SLC6A9: variants seen among roughly 807,000 people sequenced by gnomAD.
The protein encoded by SLC6A9 is sodium- and chloride-dependent glycine transporter 1.
A neutral mutation model predicts 70.9 loss-of-function variants in SLC6A9; 31 were observed. The observed-to-expected ratio is 0.44, with a 90% CI of 0.33 to 0.59. SLC6A9 has a LOEUF of 0.59. SLC6A9 is among the 20% of genes least tolerant of loss of function. The probability of loss-of-function intolerance (pLI) is 0.04; values close to 1 mark genes in which losing one functional copy is unlikely to be tolerated. For missense variants in SLC6A9, 631 were observed against 845.2 expected, an observed-to-expected ratio of 0.75 and a Z score of 3.14; for synonymous variants, 310 against 341.3, an observed-to-expected ratio of 0.91 and a Z score of 1.01.
intron 3 of SLC6A9, chr1:44,010,466 G>GGGGA (rs1571881880): frequency 8.5e-6 from 2 of 236,122 alleles, no homozygotes; most frequent in African/African-American, 2.4e-5. Flanking sequence ...CGGGGGGGGG[G>GGGGA]GGGGGTTAGG....
At position 44,000,942 on chromosome 1, in the gene SLC6A9, G is replaced by T. The variant is rs763344251; in HGVS notation, c.1435+14C>A. 5 of 1,602,540 alleles carry T rather than the reference G, an allele frequency of 3.1e-6. No homozygotes were observed. The highest frequency in any genetic ancestry group is 4.3e-6 in the Non-Finnish European group (5 of 1,173,076). ...AGGGCCGGGTCGCGGGAGGCCGGAG[G>T]CTCGAGTGCTCACCGTAGATGTACA... On this transcript the variant is annotated intron_variant, in intron 11 of 13. Transcript: ENST00000372310.
At chr1:44,007,913 T>C (rs912840308) in intron 5 of SLC6A9, among the ~76,000 whole-genome samples, 8 of 145,422 alleles carry the variant, frequency 5.5e-5, no homozygotes, top group South Asian at 2.1e-4. Flanking sequence ...TTTTTTGAGA[T>C]GGAGTCTTGC....
chr1:44,023,221 T>A (rs2086919734), intron 2 of SLC6A9, among the ~76,000 whole-genome samples: 1 of 152,198 alleles, frequency 6.6e-6, no homozygotes, highest in Non-Finnish European at 1.5e-5. Context: ...CAGTCTAGCC[T>A]GTCCCCAGGG....
rs1404652390 is a variant in SLC6A9, at chr1:44,002,817, G to T, written c.723+36C>A. 1 of 1,612,470 alleles carries T rather than the reference G, an allele frequency of 6.2e-7. No individual in the cohort carries two copies. The highest frequency in any genetic ancestry group is 8.5e-7 in the Non-Finnish European group (1 of 1,178,954). ...CCCAGGTAGGGGGCAGGGTCTTTCT[G>T]GGTGGGCACAGACCCTGCTGGGGAG... On this transcript the variant is annotated intron_variant, in intron 6 of 13. Coordinates refer to ENST00000372310, the MANE Select transcript of SLC6A9 (RefSeq NM_001024845.3). This position sits in a 1 kb window ranked among gnomAD's most constrained non-coding sequence, Gnocchi z 5.5.
intron 2 of SLC6A9, among the ~76,000 whole-genome samples, chr1:44,021,113 CCT>C (rs1464219329): frequency 6.6e-6 from 1 of 152,172 alleles, no homozygotes; most frequent in Admixed American, 6.5e-5. Flanking sequence ...GGCTCTCTTG[CCT>C]CCTGTCCTGG....
chr1:44,001,490 G>C lies in SLC6A9; in HGVS notation c.1100C>G (p.Ala367Gly). The C allele has an allele frequency of 6.2e-7, 1 of 1,614,194 alleles. No homozygotes were observed. Among genetic ancestry groups the C allele is most frequent in the Admixed American group, 1.7e-5 (1 of 60,022 alleles). The change falls in exon 9 of 14, where the codon GCC (alanine) becomes GGC (glycine). Residue 367 changes from alanine (A) to glycine (G), a missense_variant. Physicochemically the swap from Ala to Gly is moderately conservative, Grantham distance 60. Coordinates refer to ENST00000372310, the MANE Select transcript of SLC6A9 (RefSeq NM_001024845.3). ...GAGGGCCTCGGGGTAAGCCACGAAG[G>C]CCAGGCCAGGGCCGTGGTCTGCCAC... is the stretch of plus-strand genomic sequence containing the variant. ...SRVADHGPGL[A>G]FVAYPEALTL...
intron 2 of SLC6A9, among the ~76,000 whole-genome samples, chr1:44,017,753 A>G (rs2086798755): frequency 6.6e-6 from 1 of 152,238 alleles, no homozygotes; most frequent in Admixed American, 6.5e-5. Context: ...CTGACCATGC[A>G]AGAAAGCCCT....
chr1:43,997,763 C>T lies in SLC6A9; in HGVS notation c.1708-24G>A. The T allele has an allele frequency of 1.9e-6, 3 of 1,597,670 alleles. No homozygotes were observed. The highest frequency in any genetic ancestry group is 2.6e-6 in the Non-Finnish European group (3 of 1,171,018). ...CGCTGCATGAGGTAGGCATGGGGCA[C>T]AGGGGCAGGGCACGTCAGGAGGGAG... On this transcript the variant is annotated intron_variant, in intron 13 of 13. Coordinates refer to ENST00000372310, the MANE Select transcript of SLC6A9 (RefSeq NM_001024845.3). This position sits in a 1 kb window ranked among gnomAD's most constrained non-coding sequence, Gnocchi z 4.4.
At chr1:44,006,586 CAAAAA>C (rs34759206) in intron 5 of SLC6A9, among the ~76,000 whole-genome samples, 14 of 67,608 alleles carry the variant, frequency 2.1e-4, no homozygotes, top group Middle Eastern at 0.011. Context: ...GATTCTGTCT[CAAAAA>C]AAAAAAAAAA....
intron 2 of SLC6A9, among the ~76,000 whole-genome samples, chr1:44,022,696 A>ATT (rs2086905186): frequency 1.0e-5 from 1 of 99,614 alleles, no homozygotes; most frequent in African/African-American, 6.3e-5. Context: ...CTGTTTTTTA[A>ATT]TTTTTCTTTC....
chr1:43,998,149 CAG>C, intron 12 of SLC6A9, 124 bp from the exon 13 acceptor site: 3 of 910,712 alleles, frequency 3.3e-6, no homozygotes, highest in Non-Finnish European at 3.3e-6. Context: ...TGGGGCAGAA[CAG>C]GGACAGCTGT....
intron 2 of SLC6A9, among the ~76,000 whole-genome samples, chr1:44,021,156 G>A (rs954246932): frequency 2.0e-5 from 3 of 152,246 alleles, no homozygotes; most frequent in Middle Eastern, 3.4e-3. Context: ...TGTCCTTTGA[G>A]ACCTAGGTGG....
Position 44,018,149 on chromosome 1 carries a change from G to C in SLC6A9, c.30+6099C>G, listed in dbSNP as rs922269974. Among the ~76,000 whole-genome samples the C allele has an allele frequency of 5.9e-5, 9 of 152,218 alleles. No homozygotes were observed. Among genetic ancestry groups the C allele is most frequent in the Non-Finnish European group, 1.5e-5 (1 of 68,032 alleles). Reference sequence around the variant, plus strand: ...TTGGAAACTGGTCAGTCAGCAGAAGGCCTGGCTTACCACAGGACCTCAGGA... The same window carrying C: ...TTGGAAACTGGTCAGTCAGCAGAAGCCCTGGCTTACCACAGGACCTCAGGA... On this transcript the variant is annotated intron_variant, in intron 2 of 13. Coordinates refer to ENST00000372310, the MANE Select transcript of SLC6A9 (RefSeq NM_001024845.3). The surrounding 1 kb of genome is among the most constrained non-coding windows in gnomAD (Gnocchi z 4.2).
chr1:44,017,217 C>T, intron 2 of SLC6A9: 4 of 1,536,498 alleles, frequency 2.6e-6, no homozygotes, highest in Non-Finnish European at 3.5e-6. Flanking sequence ...ATTACTTTCA[C>T]CTCATCTCCT....
chr1:44,007,418 G>GC (rs1043520863), intron 5 of SLC6A9, among the ~76,000 whole-genome samples: 1 of 152,176 alleles, frequency 6.6e-6, no homozygotes, highest in Non-Finnish European at 1.5e-5. Flanking sequence ...AAAGCCCTCT[G>GC]CCCAGGGGTT....
rs1373681411 is a variant in SLC6A9 at position 44,009,640 on chromosome 1, G to A, written c.319+325C>T. Among the ~76,000 whole-genome samples the A allele has an allele frequency of 5.9e-5, 9 of 152,196 alleles. 1 individual carries two copies. Among genetic ancestry groups the A allele is most frequent in the Admixed American group, 5.9e-4 (9 of 15,280 alleles). ...AGGCGTGAGCCACTGTGCCTGGCCC[G>A]AGGTTAATAATTTCTAAGGGCCCAA... is the stretch of plus-strand genomic sequence containing the variant. On this transcript the variant is annotated intron_variant, in intron 4 of 13. Transcript: ENST00000372310.
At chr1:44,021,233 C>T (rs1302671526) in intron 2 of SLC6A9, among the ~76,000 whole-genome samples, 1 of 151,484 alleles carries the variant, frequency 6.6e-6, no homozygotes, top group Non-Finnish European at 1.5e-5. Flanking sequence ...CCCCCTAGTG[C>T]CCCCAAGCAT....
chr1:44,009,729 CG>C (rs546654037), intron 4 of SLC6A9, among the ~76,000 whole-genome samples: 1,759 of 152,106 alleles, frequency 0.012, 28 homozygotes, highest in Admixed American at 0.028. Context: ...GGTAAGTTGG[CG>C]GGGGGTGGCG....
At position 44,002,735 on chromosome 1, in the gene SLC6A9, G is replaced by A. The variant is rs563611322; in HGVS notation, c.724-89C>T. 2 of 1,594,766 alleles carry A rather than the reference G, an allele frequency of 1.3e-6. No individual in the cohort carries two copies. The highest frequency in any genetic ancestry group is 3.3e-5 in the Admixed American group (2 of 59,740). On this transcript the variant is annotated intron_variant, in intron 6 of 13. Coordinates refer to ENST00000372310, the MANE Select transcript of SLC6A9 (RefSeq NM_001024845.3). This position sits in a 1 kb window ranked among gnomAD's most constrained non-coding sequence, Gnocchi z 5.5. ...GCTCCCTAATCACCACCAGCCCCCT[G>A]GTCCCTCTCCGGCTCCGGAGTCCCT...
Sources: gnomAD v4.1 joint callset for allele counts (sites outside exome capture counted in the v4.1 genomes callset) on GRCh38, gnomAD v4.1.1 for gene constraint, Gnocchi (gnomAD v3.1) non-coding constraint, MANE v1.5 for transcripts, NCBI Gene and HGNC (gene_info 2026-07-23, HGNC 2026-07-21) for gene names.